Variants in XYLB observed in about 807,000 individuals in gnomAD.
XYLB encodes the protein xylulose kinase.
XYLB carries 62 observed loss-of-function variants against 78.7 expected under a neutral mutation model. The ratio of observed to expected loss-of-function variants is 0.79; its 90% CI spans 0.64 to 0.97. The LOEUF (loss-of-function observed/expected upper bound fraction) is 0.97, where lower values mean the gene tolerates loss of function less well. Ranked by LOEUF, XYLB falls within the 50% of genes least tolerant of loss-of-function variation. XYLB has a pLI of 0.00. For missense variants in XYLB, 687 were observed against 676.8 expected, an observed-to-expected ratio of 1.02 and a Z score of -0.17; for synonymous variants, 245 against 247.4, an observed-to-expected ratio of 0.99 and a Z score of 0.09.
Position 38,368,259 on chromosome 3 carries a change from T to A in XYLB, c.646+2T>A. ...ACTCCCCTATTGACTACAGTGATGG[T>A]GAGCCTCGGGGTATGGGGTGGGTGC... is the stretch of plus-strand genomic sequence containing the variant. On this transcript the variant is annotated splice_donor_variant, in intron 8 of 18. Transcript: ENST00000207870. LOFTEE classifies it high-confidence loss of function. 1 of 1,614,028 alleles carries A rather than the reference T, an allele frequency of 6.2e-7. No individual in the cohort carries two copies.
chr3:38,419,521 C>A (rs1708904066), downstream of XYLB, among the ~76,000 whole-genome samples: 1 of 143,698 alleles, frequency 7.0e-6, no homozygotes, highest in East Asian at 2.0e-4. Flanking sequence ...CATTCCCCAG[C>A]AGTAATGCAC....
chr3:38,417,374 C>T (rs2125688910), downstream of XYLB, among the ~76,000 whole-genome samples: 1 of 152,260 alleles, frequency 6.6e-6, no homozygotes, highest in East Asian at 1.9e-4. Context: ...ACACACCTGG[C>T]ATAGCAGTGA....
intron 2 of XYLB, among the ~76,000 whole-genome samples, chr3:38,352,507 T>G (rs932749911): frequency 2.6e-5 from 4 of 152,222 alleles, no homozygotes; most frequent in African/African-American, 7.2e-5. Flanking sequence ...TATATTTCCA[T>G]GTAAAAACAC....
At chr3:38,449,611 C>T in the XYLB span, among the ~76,000 whole-genome samples, 2 of 152,184 alleles carry the variant, frequency 1.3e-5, no homozygotes, top group Non-Finnish European at 1.5e-5. Flanking sequence ...ATGCAGCCAA[C>T]AACCTAACCA....
intron 18 of XYLB, among the ~76,000 whole-genome samples, chr3:38,410,074 A>C (rs1271098485): frequency 6.6e-6 from 1 of 152,216 alleles, no homozygotes; most frequent in African/African-American, 2.4e-5. Flanking sequence ...CCGCATCGCC[A>C]AGTCAATCCT....
rs374000174 is a variant in XYLB, at chr3:38,397,148, G to T, written c.1427G>T (p.Arg476Leu). Residue 476 changes from arginine (R) to leucine (L), a missense_variant, in exon 17 of 19, where the codon CGA becomes CTA. Transcript: ENST00000207870. Reference protein sequence around the residue: ...ANSACVGSAYRAFHGLAGGTD... With the variant: ...ANSACVGSAYLAFHGLAGGTD... ...TCGGCCTGTGTGGGTTCTGCATACCGAGCTTTTCATGGTAGGTTGATGGAG... is the reference window on the plus strand; with the variant it reads ...TCGGCCTGTGTGGGTTCTGCATACCTAGCTTTTCATGGTAGGTTGATGGAG... The T allele has an allele frequency of 8.7e-6, 14 of 1,613,980 alleles. No homozygotes were observed. In the African/African-American group the frequency reaches 1.3e-4, roughly 15 times the overall value.
the XYLB span, among the ~76,000 whole-genome samples, chr3:38,433,320 A>C: frequency 6.6e-6 from 1 of 152,158 alleles, no homozygotes; most frequent in South Asian, 2.1e-4. Context: ...CAGGCCTGTG[A>C]TGGGGAGGGC....
At chr3:38,352,911 C>A (rs144248352) in intron 2 of XYLB, among the ~76,000 whole-genome samples, 35 of 152,182 alleles carry the variant, frequency 2.3e-4, no homozygotes, top group African/African-American at 8.2e-4. Flanking sequence ...TAAGACTTTT[C>A]ACTGTTATAT....
At position 38,368,205 on chromosome 3, in the gene XYLB, C is replaced by T; in HGVS notation, c.594C>T (p.Ser198=). The change falls in exon 8 of 19, where the codon AGC becomes AGT. Residue 198 remains serine, a synonymous_variant. Transcript: ENST00000207870. ...SHTERISLVS[S]FAASLFLGSY... ...TACAGAGAATTTCTTTGGTCAGTAG[C>T]TTTGCTGCTTCCCTGTTCCTTGGCT... is the stretch of plus-strand genomic sequence containing the variant. 1 of 1,614,120 alleles carries T rather than the reference C, an allele frequency of 6.2e-7. No individual in the cohort carries two copies.
At chr3:38,356,033 C>T (rs115264480) in intron 2 of XYLB, 7 of 442,880 alleles carry the variant, frequency 1.6e-5, no homozygotes, top group South Asian at 3.6e-5. Flanking sequence ...GGGCACATCA[C>T]GAGGTCAGGA....
At chr3:38,429,701 C>A in the XYLB span, among the ~76,000 whole-genome samples, 1 of 152,174 alleles carries the variant, frequency 6.6e-6, no homozygotes, top group Non-Finnish European at 1.5e-5. Flanking sequence ...TGCTATCCCT[C>A]CCCCAGGCCC....
rs141874269 is a variant in XYLB, at chr3:38,413,006, C to T, written c.1604C>T (p.Pro535Leu). The T allele has an allele frequency of 2.8e-4, 446 of 1,599,326 alleles. No individual in the cohort carries two copies. The highest frequency in any genetic ancestry group is 1.2e-3 in the African/African-American group (91 of 73,894). Residue 535 changes from proline to leucine, a missense_variant, in exon 19 of 19, where the codon CCG (proline) becomes CTG (leucine). Coordinates refer to ENST00000207870, the MANE Select transcript of XYLB (RefSeq NM_005108.4). ...QRILSQTRGP[P>L]E ...ATCTTGTCTCAGACCCGGGGGCCTC[C>T]GGAGTGAACAGGCATCCCTGTTGCC...
At chr3:38,403,844 C>T (rs963475924) in intron 18 of XYLB, among the ~76,000 whole-genome samples, 2 of 152,048 alleles carry the variant, frequency 1.3e-5, no homozygotes, top group African/African-American at 4.8e-5. Context: ...TGCCCATGGC[C>T]GAAATCACTG....
intron 12 of XYLB, among the ~76,000 whole-genome samples, chr3:38,375,668 C>T (rs28470623): frequency 3.3e-5 from 5 of 152,140 alleles, no homozygotes; most frequent in African/African-American, 4.8e-5. Context: ...TGCCTCCCGA[C>T]GGCTCTCATG....
downstream of XYLB, among the ~76,000 whole-genome samples, chr3:38,422,650 T>C (rs893323947): frequency 1.3e-5 from 2 of 152,158 alleles, no homozygotes. Flanking sequence ...CTGGGACTAT[T>C]CAGCCAATTG....
At position 38,371,359 on chromosome 3, in the gene XYLB, C is replaced by T. The variant is rs1026955665; in HGVS notation, c.765+1185C>T. Among the ~76,000 whole-genome samples, 26 of 152,106 alleles carry T rather than the reference C, an allele frequency of 1.7e-4. 1 individual carries two copies. The highest frequency in any genetic ancestry group is 2.9e-5 in the Non-Finnish European group (2 of 67,974). The stretch of plus-strand genomic sequence containing the variant: ...CGCAGTCTCGGCTCACTGCAAGCTC[C>T]GCCTCCTGGGTTCACGCCATTCTCC... On this transcript the variant is annotated intron_variant, in intron 9 of 18. Coordinates refer to ENST00000207870, the MANE Select transcript of XYLB (RefSeq NM_005108.4).
intron 15 of XYLB, among the ~76,000 whole-genome samples, chr3:38,382,321 A>C (rs1338161039): frequency 1.3e-5 from 2 of 152,208 alleles, no homozygotes; most frequent in African/African-American, 2.4e-5. Context: ...AAAAAAATAA[A>C]AAAAGCAGAT....
intron 13 of XYLB, 99 bp downstream of exon 13, chr3:38,376,331 T>C (rs1425006626): frequency 5.0e-6 from 4 of 794,324 alleles, no homozygotes; most frequent in Non-Finnish European, 6.7e-6. Context: ...AGGAGGGCCG[T>C]GGAGAAGTCC....
downstream of XYLB, among the ~76,000 whole-genome samples, chr3:38,424,315 G>A (rs1709059434): frequency 6.6e-6 from 1 of 152,100 alleles, no homozygotes; most frequent in Admixed American, 6.5e-5. Context: ...TAGGAAATGG[G>A]AGAACTCAAA....
Sources: allele counts gnomAD v4.1 joint callset (sites outside exome capture counted in the v4.1 genomes callset), GRCh38; gene constraint gnomAD v4.1.1; transcripts MANE v1.5; gene names NCBI Gene and HGNC (gene_info 2026-07-23, HGNC 2026-07-21).